The following ST8SIA5 variants were observed in gnomAD, a reference collection of about 807,000 sequenced individuals.
ST8SIA5 encodes the protein alpha-2,8-sialyltransferase 8E.
In ST8SIA5, 24 loss-of-function variants were observed where a neutral mutation model predicts 40.2. The observed-to-expected ratio is 0.60, with a 90% CI of 0.43 to 0.84. The LOEUF (loss-of-function observed/expected upper bound fraction) is 0.84, where lower values mean the gene tolerates loss of function less well. ST8SIA5 is among the 40% of genes least tolerant of loss of function. The pLI is 0.00. For synonymous variants in ST8SIA5, 198 were observed against 201.8 expected (o/e 0.98, Z 0.16); for missense variants, 465 against 498.5 (o/e 0.93, Z 0.64).
intron 1 of ST8SIA5, among the ~76,000 whole-genome samples, chr18:46,722,319 C>T (rs930492237): frequency 1.4e-4 from 21 of 152,176 alleles, no homozygotes; most frequent in Non-Finnish European, 2.5e-4. Flanking sequence ...CTCCACCTGC[C>T]CACCTCACAG....
At chr18:46,714,268 G>T (rs2039763073) in intron 1 of ST8SIA5, among the ~76,000 whole-genome samples, 1 of 152,180 alleles carries the variant, frequency 6.6e-6, no homozygotes, top group Non-Finnish European at 1.5e-5. Flanking sequence ...CCTTAACCTT[G>T]TGAGCATCCC....
chr18:46,688,919 C>A lies in ST8SIA5; in HGVS notation c.312G>T (p.Lys104Asn). The A allele has an allele frequency of 4.4e-6, 7 of 1,607,784 alleles. No individual in the cohort carries two copies. The highest frequency in any genetic ancestry group is 5.9e-6 in the Non-Finnish European group (7 of 1,177,784). ...CGTTGCAGCACCTGGACAGAGTAGA[C>A]CTGCCAGGCAGGGAGACAGGCAGGA... Reference protein sequence around the residue: ...AMNISEANQFKSTLSRCCNAP... With the variant: ...AMNISEANQFNSTLSRCCNAP... Residue 104 changes from lysine to asparagine, a missense_variant and splice_region_variant, in exon 4 of 7, where the codon AAG becomes AAT. Lys to Asn is a moderately conservative substitution (Grantham distance 94). Transcript: ENST00000315087.
chr18:46,744,823 C>G (rs2040122819), intron 1 of ST8SIA5, among the ~76,000 whole-genome samples: 1 of 152,198 alleles, frequency 6.6e-6, no homozygotes, highest in Admixed American at 6.5e-5. Context: ...AAGTAAAGCA[C>G]TCCTCAGCAA....
chr18:46,737,267 C>T (rs999375753), intron 1 of ST8SIA5, among the ~76,000 whole-genome samples: 8 of 152,172 alleles, frequency 5.3e-5, no homozygotes, highest in Admixed American at 1.3e-4. Flanking sequence ...ACTCCCACCC[C>T]GCCCCATTGC....
rs1395022339 is a variant in ST8SIA5, at chr18:46,688,874, G to A, written c.357C>T (p.Thr119=). 6.2e-7 allele frequency: 1 copy of A among 1,614,020 alleles called. No homozygotes were observed. Among genetic ancestry groups the A allele is most frequent in the African/African-American group, 1.3e-5 (1 of 74,936 alleles). Residue 119 remains threonine (T), a synonymous_variant, in exon 4 of 7, where the codon ACC becomes ACT. Transcript: ENST00000315087. The part of the protein sequence containing the change: ...RCCNAPAFLF[T]TQKNTPLGTK... ...TCCCCAGGGGAGTGTTCTTCTGGGT[G>A]GTGAAGAGAAAGGCAGGGGCGTTGC...
rs528387415 is a variant in ST8SIA5, at chr18:46,674,239, T to G, written c.*5803A>C. 4 of 152,040 alleles carry G rather than the reference T, an allele frequency of 2.6e-5. No homozygotes were observed. Among genetic ancestry groups the G allele is most frequent in the Non-Finnish European group, 4.4e-5 (3 of 68,012 alleles). The allele number at this position is 152,040 out of a possible 1,614,324, so 9.4% of individuals were successfully genotyped here. A position where few individuals can be genotyped will look rare whatever the true frequency, so the allele number is the denominator to read the frequency against. On this transcript the variant is annotated 3_prime_UTR_variant, in exon 7 of 7. Transcript: ENST00000315087. ...GACAACAAGAAACACAGAAAATGTC[T>G]CTCCCTTCTTTCATTTAAACTAGAG...
chr18:46,747,574 G>C (rs1162344380), intron 1 of ST8SIA5, among the ~76,000 whole-genome samples: 1 of 152,224 alleles, frequency 6.6e-6, no homozygotes, highest in Non-Finnish European at 1.5e-5. Flanking sequence ...GGAAACAACA[G>C]ATGCTGGAGA....
intron 3 of ST8SIA5, chr18:46,691,400 T>C (rs1394421262): frequency 6.6e-6 from 1 of 152,236 alleles, no homozygotes; most frequent in South Asian, 2.1e-4. Flanking sequence ...GACTCCTTCA[T>C]GCTTAGAGCT....
rs1218672504 is a variant in ST8SIA5 at position 46,680,021 on chromosome 18, G to A, written c.*21C>T. 4 of 1,583,374 alleles carry A rather than the reference G, an allele frequency of 2.5e-6. No individual in the cohort carries two copies. The highest frequency in any genetic ancestry group is 3.4e-6 in the Non-Finnish European group (4 of 1,163,248). On this transcript the variant is annotated 3_prime_UTR_variant, in exon 7 of 7. Coordinates refer to ENST00000315087, the MANE Select transcript of ST8SIA5 (RefSeq NM_013305.6). ...AGCAGGAGAGGGGGCGCCGCTTGCC[G>A]GGCAGCCTGGCTGGCAGCCATCAGC...
intron 1 of ST8SIA5, among the ~76,000 whole-genome samples, chr18:46,721,723 C>CAT (rs57030021): frequency 0.012 from 1,881 of 152,344 alleles, 48 homozygotes; most frequent in African/African-American, 0.043. Flanking sequence ...ATTTCACACA[C>CAT]AGGGACATTG....
At chr18:46,698,846 C>T (rs1188069297) in intron 2 of ST8SIA5, among the ~76,000 whole-genome samples, 1 of 152,054 alleles carries the variant, frequency 6.6e-6, no homozygotes, top group South Asian at 2.1e-4. Context: ...AATGCCTGAC[C>T]GATGGAGAGG....
rs1423339918 is a variant in ST8SIA5 at position 46,669,502 on chromosome 18, C to A, written c.*10540G>T. ...GTCACTTTCCCCCAGAAATGGTCATCTTTTTAAATTCACCAAAAAACACCC... is the reference window on the plus strand; with the variant it reads ...GTCACTTTCCCCCAGAAATGGTCATATTTTTAAATTCACCAAAAAACACCC... On this transcript the variant is annotated 3_prime_UTR_variant, in exon 7 of 7. Transcript: ENST00000315087. The A allele has an allele frequency of 6.6e-6, 1 of 152,154 alleles. No homozygotes were observed. The highest frequency in any genetic ancestry group is 2.4e-5 in the African/African-American group (1 of 41,424). The allele number at this position is 152,154 out of a possible 1,614,324, so 9.4% of individuals were successfully genotyped here.
intron 1 of ST8SIA5, among the ~76,000 whole-genome samples, chr18:46,710,413 T>TCTTTCTTTCTTTCTTTCTTTCTG (rs2039716912): frequency 7.8e-6 from 1 of 127,506 alleles, no homozygotes; most frequent in Non-Finnish European, 1.6e-5. Context: ...CTTTCTTTCT[T>TCTTTCTTTCTTTCTTTCTTTCTG]TCTTTTTCTT....
At chr18:46,756,242 G>T in intron 1 of ST8SIA5, 136 bp downstream of exon 1, 2 of 1,264,600 alleles carry the variant, frequency 1.6e-6, no homozygotes, top group South Asian at 3.3e-5. Flanking sequence ...AAGCCTAAGC[G>T]GCCATGCTCG....
At chr18:46,722,965 T>C (rs1427451340) in intron 1 of ST8SIA5, 1 of 152,238 alleles carries the variant, frequency 6.6e-6, no homozygotes, top group Non-Finnish European at 1.5e-5. Context: ...ATGCCCAGTG[T>C]GGTCTCAATA....
chr18:46,681,719 T>C (rs1465458470), intron 6 of ST8SIA5, among the ~76,000 whole-genome samples: 1 of 152,172 alleles, frequency 6.6e-6, no homozygotes, highest in Non-Finnish European at 1.5e-5. Flanking sequence ...TATGAAAAAA[T>C]GGAAATGGGT....
At chr18:46,682,879 T>A (rs2039411402) in intron 5 of ST8SIA5, among the ~76,000 whole-genome samples, 1 of 152,166 alleles carries the variant, frequency 6.6e-6, no homozygotes, top group Non-Finnish European at 1.5e-5. Context: ...GCAAGGAGCT[T>A]CTAGGAAATG....
chr18:46,747,381 A>G (rs1209501031), intron 1 of ST8SIA5, among the ~76,000 whole-genome samples: 3 of 152,208 alleles, frequency 2.0e-5, no homozygotes, highest in Non-Finnish European at 4.4e-5. Flanking sequence ...CAAGAAAAAA[A>G]CAAACAACCC....
intron 2 of ST8SIA5, among the ~76,000 whole-genome samples, chr18:46,699,504 C>T (rs538730562): frequency 3.9e-5 from 6 of 152,116 alleles, no homozygotes; most frequent in Admixed American, 6.5e-5. Flanking sequence ...CTCAGCCTCC[C>T]GAGTAGCTGG....
Sources: allele counts gnomAD v4.1 joint callset (sites outside exome capture counted in the v4.1 genomes callset), GRCh38; gene constraint gnomAD v4.1.1; transcripts MANE v1.5; gene names NCBI Gene and HGNC (gene_info 2026-07-23, HGNC 2026-07-21).